Variants in FRMD8 observed in about 807,000 individuals in gnomAD.
FRMD8 encodes the protein FERM domain-containing protein 8.
FRMD8 carries 37 observed loss-of-function variants against 54.2 expected under a neutral mutation model. That is an observed-to-expected ratio of 0.68 (90% CI 0.53 to 0.90). The LOEUF (loss-of-function observed/expected upper bound fraction) is 0.90, where lower values mean the gene tolerates loss of function less well. Among genes scored for constraint, FRMD8 ranks in the 40% least tolerant of loss-of-function variants. FRMD8 has a pLI of 0.00. For synonymous variants in FRMD8, 246 were observed against 286.9 expected (o/e 0.86, Z 1.44); for missense variants, 585 against 653.7 (o/e 0.89, Z 1.15).
At chr11:65,398,045 T>G (rs1343375882) in intron 7 of FRMD8, among the ~76,000 whole-genome samples, 6 of 151,994 alleles carry the variant, frequency 3.9e-5, no homozygotes, top group Non-Finnish European at 7.4e-5. Context: ...ACGGCTAATT[T>G]TTGTATTTTT....
At chr11:65,390,862 G>A (rs1184233958) in intron 3 of FRMD8, among the ~76,000 whole-genome samples, 1 of 152,246 alleles carries the variant, frequency 6.6e-6, no homozygotes, top group African/African-American at 2.4e-5. Context: ...GCTCTCCCAC[G>A]GCCGGAGGCC....
rs142489404 is a variant in FRMD8 at position 65,392,513 on chromosome 11, C to G, written c.254-1060C>G. 2.0e-3 allele frequency among the ~76,000 whole-genome samples: 298 copies of G among 152,300 alleles called. 2 individuals carry two copies. Among genetic ancestry groups the G allele is most frequent in the African/African-American group, 6.6e-3 (276 of 41,564 alleles). On this transcript the variant is annotated intron_variant, in intron 3 of 10. Transcript: ENST00000317568. The stretch of plus-strand genomic sequence containing the variant: ...TCACACCTCTCAAAGGCAGAGAACC[C>G]GGTGGCCACTGTTTTTTGGTGGGTG...
At chr11:65,370,282 G>A in the FRMD8 span, among the ~76,000 whole-genome samples, 6,042 of 151,326 alleles carry the variant, frequency 0.04, 372 homozygotes, top group Non-Finnish European at 0.052. Context: ...ATGTGCTTAC[G>A]GAACCAAGAG....
Position 65,393,647 on chromosome 11 carries a change from A to G in FRMD8, c.328A>G (p.Ser110Gly). ...QWPELLLRFT[S>G]APDDDVAMDE... is the part of the protein sequence containing the mutation. ...GCCGGAGCTGCTGCTGCGCTTCACC[A>G]GTGCCCCAGACGATGACGTGGCCAT... The change falls in exon 4 of 11, where the codon AGT becomes GGT. Residue 110 changes from serine to glycine, a missense_variant. Ser to Gly is a moderately conservative substitution (Grantham distance 56). Coordinates refer to ENST00000317568, the MANE Select transcript of FRMD8 (RefSeq NM_031904.5). 25 of 1,607,700 alleles carry G rather than the reference A, an allele frequency of 1.6e-5. No homozygotes were observed. Among genetic ancestry groups the G allele is most frequent in the Non-Finnish European group, 2.1e-5 (25 of 1,179,846 alleles).
At chr11:65,395,600 C>T (rs556841010) in intron 6 of FRMD8, among the ~76,000 whole-genome samples, 5 of 152,316 alleles carry the variant, frequency 3.3e-5, no homozygotes, top group African/African-American at 1.2e-4. Context: ...CGGTCCACAG[C>T]CCACAGAGTA....
chr11:65,408,922 T>C (rs1856268892), intron 10 of FRMD8, among the ~76,000 whole-genome samples: 1 of 151,974 alleles, frequency 6.6e-6, no homozygotes, highest in South Asian at 2.1e-4. Flanking sequence ...TATGCTGATT[T>C]TGAAGAGGCT....
intron 5 of FRMD8, 68 bp downstream of exon 5, chr11:65,394,167 C>T (rs978532627): frequency 5.0e-6 from 8 of 1,604,218 alleles, no homozygotes; most frequent in Non-Finnish European, 6.0e-6. Context: ...GTCCCTAGAC[C>T]CCTGGACATT....
upstream of FRMD8, chr11:65,386,545 C>G (rs1855732718): frequency 1.3e-5 from 2 of 156,546 alleles, no homozygotes; most frequent in South Asian, 3.8e-4. Context: ...CATGCGCGGG[C>G]CGCGCGGGGC....
chr11:65,391,574 A>G (rs575520445), intron 3 of FRMD8, among the ~76,000 whole-genome samples: 1 of 152,104 alleles, frequency 6.6e-6, no homozygotes, highest in African/African-American at 2.4e-5. Context: ...GCAGTGGTGC[A>G]ATCCCAGCTC....
chr11:65,385,964 T>C (rs1017142394), upstream of FRMD8, among the ~76,000 whole-genome samples: 1 of 151,822 alleles, frequency 6.6e-6, no homozygotes, highest in African/African-American at 2.4e-5. Context: ...GCCCGGCTAA[T>C]TTTTTGTATT....
chr11:65,382,185 C>A, upstream of FRMD8: 2 of 571,736 alleles, frequency 3.5e-6, no homozygotes, highest in Non-Finnish European at 6.3e-6. This position sits in a 1 kb window ranked among gnomAD's most constrained non-coding sequence, Gnocchi z 4.4. Context: ...GCCAGGCGTG[C>A]CGGGACCACA....
chr11:65,391,789 A>G (rs1003061863), intron 3 of FRMD8, among the ~76,000 whole-genome samples: 2 of 152,130 alleles, frequency 1.3e-5, no homozygotes, highest in African/African-American at 2.4e-5. Context: ...GGGATTACAG[A>G]CATGAACCAT....
At chr11:65,406,911 G>A (rs1856211477) in intron 10 of FRMD8, among the ~76,000 whole-genome samples, 1 of 151,880 alleles carries the variant, frequency 6.6e-6, no homozygotes. Flanking sequence ...CTGCACTCCA[G>A]CCTGGGCAAC....
At position 65,386,666 on chromosome 11, in the gene FRMD8, G is replaced by A. The variant is rs1012114576; in HGVS notation, c.-96G>A. The A allele has an allele frequency of 2.4e-4, 62 of 256,408 alleles. No homozygotes were observed. Among genetic ancestry groups the A allele is most frequent in the Non-Finnish European group, 3.9e-4 (53 of 134,516 alleles). The allele number at this position is 256,408 out of a possible 1,614,324, so 15.9% of individuals were successfully genotyped here. A position where few individuals can be genotyped will look rare whatever the true frequency, so the allele number is the denominator to read the frequency against. On this transcript the variant is annotated 5_prime_UTR_variant, in exon 1 of 11. Coordinates refer to ENST00000317568, the MANE Select transcript of FRMD8 (RefSeq NM_031904.5). ...CTTCCCGGTCAGCTGCGTCCTTAGC[G>A]GGAGCCCGAGTGCGGGCGGTGGCGG... is the stretch of plus-strand genomic sequence containing the variant.
At chr11:65,372,336 T>G in the FRMD8 span, among the ~76,000 whole-genome samples, 3 of 152,190 alleles carry the variant, frequency 2.0e-5, no homozygotes, top group African/African-American at 7.2e-5. Context: ...TGCTCACTAA[T>G]CACACCATAC....
Position 65,399,797 on chromosome 11 carries a change from C to T in FRMD8, c.865C>T (p.Arg289Cys), listed in dbSNP as rs779110878. 5.0e-6 allele frequency: 8 copies of T among 1,613,944 alleles called. No homozygotes were observed. Among genetic ancestry groups the T allele is most frequent in the East Asian group, 2.2e-5 (1 of 44,896 alleles). The change falls in exon 8 of 11, where the codon CGC (arginine) becomes TGC (cysteine). Residue 289 changes from arginine (R) to cysteine (C), a missense_variant. Transcript: ENST00000317568. ...CCAAGGCTTTTTGCACCGGGGTGGG[C>T]GCAAGCCAGTTTCTGTGGCCATCAG... ...PAQGFLHRGGRKPVSVAISLE... is the reference protein window; with the variant it reads ...PAQGFLHRGGCKPVSVAISLE...
At chr11:65,402,686 C>T (rs1856108349) in intron 9 of FRMD8, among the ~76,000 whole-genome samples, 1 of 152,142 alleles carries the variant, frequency 6.6e-6, no homozygotes. Flanking sequence ...CTTCGGAGGT[C>T]ATTGACCTCT....
chr11:65,397,231 C>A (rs537791745), intron 7 of FRMD8, among the ~76,000 whole-genome samples: 1 of 152,332 alleles, frequency 6.6e-6, no homozygotes, highest in East Asian at 1.9e-4. Flanking sequence ...TTGGATGGGT[C>A]CTCTCCTTCT....
the FRMD8 span, among the ~76,000 whole-genome samples, chr11:65,368,790 C>T: frequency 1.3e-5 from 2 of 151,282 alleles, no homozygotes; most frequent in African/African-American, 4.9e-5. Flanking sequence ...GTCTTGATCT[C>T]CTGACCTTGT....
Sources: gnomAD v4.1 joint callset for allele counts (sites outside exome capture counted in the v4.1 genomes callset) on GRCh38, gnomAD v4.1.1 for gene constraint, Gnocchi (gnomAD v3.1) non-coding constraint, MANE v1.5 for transcripts, NCBI Gene and HGNC (gene_info 2026-07-23, HGNC 2026-07-21) for gene names.